TTC29: variants seen among roughly 807,000 people sequenced by gnomAD.
The protein encoded by TTC29 is tetratricopeptide repeat domain 29.
Under a neutral mutation model 58.1 loss-of-function variants are expected in TTC29, and 49 were observed. That is an observed-to-expected ratio of 0.84 (90% CI 0.67 to 1.07). The LOEUF is 1.07. Among genes scored for constraint, TTC29 ranks in the 50% least tolerant of loss-of-function variants. The probability of loss-of-function intolerance (pLI) is 0.00; values close to 1 mark genes in which losing one functional copy is unlikely to be tolerated. For missense variants in TTC29, 582 were observed against 555.6 expected (o/e 1.05, Z -0.48); for synonymous variants, 209 against 196.8 (o/e 1.06, Z -0.52).
At chr4:146,711,439 C>A (rs1015138581) in intron 11 of TTC29, among the ~76,000 whole-genome samples, 1 of 151,990 alleles carries the variant, frequency 6.6e-6, no homozygotes, top group African/African-American at 2.4e-5. Flanking sequence ...TTAGCTGGAC[C>A]CTGCAGGCTA....
rs371165649 is a variant in TTC29, at chr4:146,903,637, G to A, written c.493C>T (p.Arg165Ter). The A allele has an allele frequency of 2.2e-5, 36 of 1,612,662 alleles. No homozygotes were observed. Among genetic ancestry groups the A allele is most frequent in the African/African-American group, 5.3e-5 (4 of 74,832 alleles). ...ATCAGCTGAGCAATCTTAAAACATC[G>A]TTCATAGAAGTGGTTCCTTACCCAC... ...DKWVRNHFYE[R>*]CFKIAQLIKI... The change falls in exon 6 of 13, where the codon CGA becomes TGA. Residue 165 changes from arginine to a stop codon, truncating the protein, a stop_gained. Coordinates refer to ENST00000325106, the MANE Select transcript of TTC29 (RefSeq NM_031956.4). LOFTEE classifies it high-confidence loss of function.
intron 9 of TTC29, among the ~76,000 whole-genome samples, chr4:146,833,214 A>G (rs1307257206): frequency 6.6e-6 from 1 of 152,252 alleles, no homozygotes; most frequent in Non-Finnish European, 1.5e-5. Flanking sequence ...CTCTATAACA[A>G]TCAAATGGAG....
At chr4:146,747,331 C>T (rs1291317027) in intron 11 of TTC29, among the ~76,000 whole-genome samples, 1 of 152,140 alleles carries the variant, frequency 6.6e-6, no homozygotes. Context: ...GGGTGAGTAG[C>T]CATTACGTCC....
chr4:146,860,698 A>C (rs915106777), intron 8 of TTC29, among the ~76,000 whole-genome samples: 2 of 152,172 alleles, frequency 1.3e-5, no homozygotes, highest in Admixed American at 1.3e-4. Flanking sequence ...TTTATTTCCG[A>C]AATTTTTCCA....
intron 9 of TTC29, among the ~76,000 whole-genome samples, chr4:146,827,623 T>C (rs1181439653): frequency 1.3e-5 from 2 of 152,242 alleles, no homozygotes; most frequent in Non-Finnish European, 2.9e-5. Context: ...ATACTAAAGT[T>C]ATGAAACTGA....
intron 11 of TTC29, among the ~76,000 whole-genome samples, chr4:146,792,707 T>G (rs1480895894): frequency 6.6e-6 from 1 of 152,222 alleles, no homozygotes; most frequent in African/African-American, 2.4e-5. Context: ...TTAAGAAATA[T>G]TTTGTAAGGC....
intron 9 of TTC29, among the ~76,000 whole-genome samples, chr4:146,830,433 A>G (rs560899074): frequency 6.6e-6 from 1 of 152,296 alleles, no homozygotes; most frequent in African/African-American, 2.4e-5. Flanking sequence ...AGAAGCTTCC[A>G]GCCTTAGATC....
intron 11 of TTC29, among the ~76,000 whole-genome samples, chr4:146,711,133 G>T (rs545703188): frequency 2.6e-4 from 39 of 152,154 alleles, no homozygotes; most frequent in African/African-American, 9.4e-4. Flanking sequence ...CATTCATAAA[G>T]GTTGTGTCAG....
At chr4:146,813,757 G>C (rs1196764204) in intron 10 of TTC29, among the ~76,000 whole-genome samples, 1 of 152,210 alleles carries the variant, frequency 6.6e-6, no homozygotes, top group Non-Finnish European at 1.5e-5. Flanking sequence ...GCCGAGGAGG[G>C]AGGATCACTT....
chr4:146,719,154 T>C (rs1743165330), intron 11 of TTC29, among the ~76,000 whole-genome samples: 1 of 151,660 alleles, frequency 6.6e-6, no homozygotes, highest in African/African-American at 2.4e-5. Flanking sequence ...GCCTCCAGAT[T>C]TGTTCTTTTT....
intron 4 of TTC29, among the ~76,000 whole-genome samples, chr4:146,914,676 A>C (rs1734104013): frequency 6.6e-6 from 1 of 152,172 alleles, no homozygotes; most frequent in African/African-American, 2.4e-5. Context: ...CAACGAGATA[A>C]GGGATGCAGC....
intron 11 of TTC29, among the ~76,000 whole-genome samples, chr4:146,759,848 T>C (rs1207985883): frequency 1.3e-5 from 2 of 152,040 alleles, no homozygotes; most frequent in Non-Finnish European, 2.9e-5. Context: ...GAGGAAAAGT[T>C]GAAAACATTC....
chr4:146,776,262 T>C (rs1268919845), intron 11 of TTC29, among the ~76,000 whole-genome samples: 1 of 152,212 alleles, frequency 6.6e-6, no homozygotes, highest in Non-Finnish European at 1.5e-5. Context: ...TCTTCACTCC[T>C]ATCCATATTC....
At position 146,887,446 on chromosome 4, in the gene TTC29, T is replaced by C. The variant is rs116366388; in HGVS notation, c.587-12518A>G. On this transcript the variant is annotated intron_variant, in intron 6 of 12. Transcript: ENST00000325106. ...AATCATGTGTAGAGATTGTTTGTGT[T>C]TATTTGTGTAGAGTATGATAGGGAG... Among the ~76,000 whole-genome samples, 1,364 of 152,106 alleles carry C rather than the reference T, an allele frequency of 9.0e-3. 24 individuals are homozygous for C. Among genetic ancestry groups the C allele is most frequent in the African/African-American group, 0.031 (1,279 of 41,506 alleles).
At chr4:146,882,757 G>A (rs141820757) in intron 6 of TTC29, among the ~76,000 whole-genome samples, 124 of 152,208 alleles carry the variant, frequency 8.1e-4, no homozygotes, top group Non-Finnish European at 1.7e-3. Flanking sequence ...GTGACGAGGA[G>A]AGTGAGGAGA....
intron 4 of TTC29, among the ~76,000 whole-genome samples, chr4:146,932,545 C>T (rs1735419321): frequency 6.6e-6 from 1 of 152,100 alleles, no homozygotes; most frequent in Non-Finnish European, 1.5e-5. Flanking sequence ...TCATCTTGCT[C>T]CATATGTTTG....
At position 146,874,904 on chromosome 4, in the gene TTC29, T is replaced by C. The variant is rs1234062766; in HGVS notation, c.611A>G (p.His204Arg). Reference sequence around the variant, plus strand: ...TGTCAATTGATGGAATGCTTCATAATGCTCAGCAGCTTCCAGAAGCTGACC... The same window carrying C: ...TGTCAATTGATGGAATGCTTCATAACGCTCAGCAGCTTCCAGAAGCTGACC... ...EDGQLLEAAEHYEAFHQLTQG... is the reference protein window; with the variant it reads ...EDGQLLEAAERYEAFHQLTQG... The change falls in exon 7 of 13, where the codon CAT becomes CGT. Residue 204 changes from histidine (H) to arginine (R), a missense_variant. By Grantham distance (29) the His-to-Arg change is conservative (BLOSUM62 0). Coordinates refer to ENST00000325106, the MANE Select transcript of TTC29 (RefSeq NM_031956.4). The C allele has an allele frequency of 3.1e-6, 5 of 1,613,448 alleles. No homozygotes were observed. Among genetic ancestry groups the C allele is most frequent in the East Asian group, 4.5e-5 (2 of 44,758 alleles).
intron 11 of TTC29, among the ~76,000 whole-genome samples, chr4:146,732,353 T>C (rs535956466): frequency 3.2e-4 from 48 of 152,174 alleles, no homozygotes; most frequent in Non-Finnish European, 6.5e-4. Context: ...TTTTGATAAT[T>C]CATAGGATTC....
intron 11 of TTC29, among the ~76,000 whole-genome samples, chr4:146,762,202 A>C (rs1746959285): frequency 1.3e-5 from 2 of 151,994 alleles, no homozygotes; most frequent in Admixed American, 6.6e-5. Context: ...AAACTAATAC[A>C]GTGGATTCAT....
Sources: allele counts gnomAD v4.1 joint callset (sites outside exome capture counted in the v4.1 genomes callset), GRCh38; gene constraint gnomAD v4.1.1; transcripts MANE v1.5; gene names NCBI Gene and HGNC (gene_info 2026-07-23, HGNC 2026-07-21).